The following NDC1 variants were observed in gnomAD, a reference collection of about 807,000 sequenced individuals.
The protein encoded by NDC1 is NDC1 transmembrane nucleoporin.
NDC1 carries 24 observed loss-of-function variants against 89.8 expected under a neutral mutation model. The observed-to-expected ratio is 0.27, with a 90% CI of 0.19 to 0.38. The LOEUF is 0.38. Ranked by LOEUF, NDC1 falls within the 10% of genes least tolerant of loss-of-function variation. NDC1 has a pLI of 1.00. For synonymous variants in NDC1, 296 were observed against 284.8 expected (o/e 1.04, Z -0.39); for missense variants, 728 against 797.6 (o/e 0.91, Z 1.05).
At chr1:53,792,748 G>A (rs957458179) in intron 14 of NDC1, among the ~76,000 whole-genome samples, 1 of 152,310 alleles carries the variant, frequency 6.6e-6, no homozygotes, top group South Asian at 2.1e-4. Flanking sequence ...ACTCTCCTGT[G>A]GCAGCTGGAA....
At chr1:53,827,455 T>A (rs79913066) in intron 4 of NDC1, among the ~76,000 whole-genome samples, 4,402 of 152,264 alleles carry the variant, frequency 0.029, 98 homozygotes, top group Middle Eastern at 0.044. Flanking sequence ...GTAATCTTTT[T>A]TAATTTTTAA....
At chr1:53,798,747 G>A (rs574757175) in intron 11 of NDC1, among the ~76,000 whole-genome samples, 8 of 151,830 alleles carry the variant, frequency 5.3e-5, no homozygotes, top group South Asian at 2.1e-4. Context: ...TAAAGACGGC[G>A]TTTCGCCATA....
rs768492561 is a variant in NDC1 at position 53,793,253 on chromosome 1, C to T, written c.1611G>A (p.Val537=). 1.8e-4 allele frequency: 297 copies of T among 1,611,830 alleles called. No homozygotes were observed. The highest frequency in any genetic ancestry group is 2.4e-4 in the Non-Finnish European group (284 of 1,178,090). ...EQIKNFLSKR[V]LIMYFFSKHP... ...CCTTACTGAAAAAATACATTATCAGCACCCGTTTTGACAAGAAATTCTTAA... is the reference window on the plus strand; with the variant it reads ...CCTTACTGAAAAAATACATTATCAGTACCCGTTTTGACAAGAAATTCTTAA... Residue 537 remains valine, a synonymous_variant, in exon 14 of 18, where the codon GTG becomes GTA. Coordinates refer to ENST00000371429, the MANE Select transcript of NDC1 (RefSeq NM_018087.5).
rs543415668 is a variant in NDC1 at position 53,824,678 on chromosome 1, G to C, written c.594+1120C>G. ...CCTTTCCCTCTCCTGCCAGAGGAGT[G>C]CTTCTCAGTTCCAGGAATGACTCCT... On this transcript the variant is annotated intron_variant, in intron 5 of 17. Coordinates refer to ENST00000371429, the MANE Select transcript of NDC1 (RefSeq NM_018087.5). 2.0e-4 allele frequency among the ~76,000 whole-genome samples: 31 copies of C among 152,310 alleles called. No homozygotes were observed. In the South Asian group the frequency reaches 5.6e-3, roughly 27 times the overall value.
intron 13 of NDC1, among the ~76,000 whole-genome samples, chr1:53,795,023 A>AT (rs1463755691): frequency 5.3e-5 from 8 of 151,948 alleles, no homozygotes; most frequent in Non-Finnish European, 1.2e-4. Flanking sequence ...GAACTCATGC[A>AT]TTTTTTTGTC....
At chr1:53,829,943 G>T (rs959915934) in intron 3 of NDC1, among the ~76,000 whole-genome samples, 3 of 152,148 alleles carry the variant, frequency 2.0e-5, no homozygotes, top group African/African-American at 7.2e-5. Flanking sequence ...ATGAGTTCAG[G>T]AGTTTGAGAC....
chr1:53,826,561 C>A (rs1648871105), intron 4 of NDC1, among the ~76,000 whole-genome samples: 1 of 152,184 alleles, frequency 6.6e-6, no homozygotes, highest in African/African-American at 2.4e-5. Context: ...CTAAGAGGAT[C>A]CCCCTGCTGG....
intron 6 of NDC1, among the ~76,000 whole-genome samples, chr1:53,811,979 G>T (rs774964691): frequency 6.6e-6 from 1 of 152,156 alleles, no homozygotes; most frequent in African/African-American, 2.4e-5. Flanking sequence ...AGGCAGACTC[G>T]CTGGGTGGCT....
At position 53,796,905 on chromosome 1, in the gene NDC1, C is replaced by A; in HGVS notation, c.1462G>T (p.Ala488Ser). The change falls in exon 12 of 18, where the codon GCT (alanine) becomes TCT (serine). Residue 488 changes from alanine to serine, a missense_variant. Ala to Ser is a moderately conservative substitution (Grantham distance 99). Coordinates refer to ENST00000371429, the MANE Select transcript of NDC1 (RefSeq NM_018087.5). ...AAAAATATATAATTCTCACCAGAAG[C>A]TGATGTCCACAATCTTGGCCCCCTT... is the stretch of plus-strand genomic sequence containing the variant. Reference protein sequence around the residue: ...IRRGPRLWTSASDQQMTEFSN... With the variant: ...IRRGPRLWTSSSDQQMTEFSN... 1 of 1,613,802 alleles carries A rather than the reference C, an allele frequency of 6.2e-7. No individual in the cohort carries two copies. The highest frequency in any genetic ancestry group is 8.5e-7 in the Non-Finnish European group (1 of 1,179,934).
intron 5 of NDC1, among the ~76,000 whole-genome samples, chr1:53,820,701 CTTT>C (rs927514677): frequency 4.3e-3 from 325 of 74,868 alleles, no homozygotes; most frequent in African/African-American, 0.017. Flanking sequence ...ACTTCTCTCT[CTTT>C]TTTTTTTTTT....
chr1:53,806,249 A>T (rs554355454), intron 9 of NDC1, among the ~76,000 whole-genome samples, 176 bp downstream of exon 9: 1 of 152,340 alleles, frequency 6.6e-6, no homozygotes, highest in South Asian at 2.1e-4. Flanking sequence ...CATTTTAGTC[A>T]CTTGGAAAGA....
chr1:53,792,143 C>T (rs567198692), intron 14 of NDC1, among the ~76,000 whole-genome samples: 15 of 152,136 alleles, frequency 9.9e-5, no homozygotes, highest in South Asian at 6.2e-4. Flanking sequence ...AGGGTTTCAC[C>T]GTGTTAGCCA....
intron 14 of NDC1, among the ~76,000 whole-genome samples, chr1:53,790,717 AT>A (rs1293580749): frequency 6.6e-6 from 1 of 152,132 alleles, no homozygotes; most frequent in Non-Finnish European, 1.5e-5. Context: ...AAATAAATAA[AT>A]AAACAACAAC....
In NDC1 at chr1:53,772,460, A is replaced by T; in HGVS notation, c.1830T>A (p.His610Gln). The change falls in exon 17 of 18, where the codon CAT becomes CAA. Residue 610 changes from histidine (H) to glutamine (Q), a missense_variant. Transcript: ENST00000371429. ...EAVDKYFKLP[H>Q]ASSKPPRISG... Reference sequence around the variant, plus strand: ...AAATCCGGGGTGGTTTACTGGAAGCATGAGGAAGCTTAAAGTACTTGTCGA... The same window carrying T: ...AAATCCGGGGTGGTTTACTGGAAGCTTGAGGAAGCTTAAAGTACTTGTCGA... 6.2e-7 allele frequency: 1 copy of T among 1,613,508 alleles called. No homozygotes were observed. The highest frequency in any genetic ancestry group is 8.5e-7 in the Non-Finnish European group (1 of 1,179,578).
rs187459137 is a variant in NDC1 at position 53,787,193 on chromosome 1, G to A, written c.1765C>T (p.Pro589Ser). Residue 589 changes from proline to serine, a missense_variant, in exon 16 of 18, where the codon CCA becomes TCA. Coordinates refer to ENST00000371429, the MANE Select transcript of NDC1 (RefSeq NM_018087.5). ...DRFGVVQTTLPAILNTLLTLQ... is the reference protein window; with the variant it reads ...DRFGVVQTTLSAILNTLLTLQ... ...GTCAACAAAGTATTAAGGATAGCTGGTAGTGTCGTCTGGACAACTCCAAAT... is the reference window on the plus strand; with the variant it reads ...GTCAACAAAGTATTAAGGATAGCTGATAGTGTCGTCTGGACAACTCCAAAT... 647 of 1,610,240 alleles carry A rather than the reference G, an allele frequency of 4.0e-4. 4 individuals are homozygous for A. In the Admixed American group the frequency reaches 7.8e-3, roughly 19 times the overall value.
intron 11 of NDC1, among the ~76,000 whole-genome samples, chr1:53,797,365 GTC>G (rs773651478): frequency 2.8e-4 from 40 of 141,834 alleles, no homozygotes; most frequent in Non-Finnish European, 4.1e-4. Flanking sequence ...GATCGATATA[GTC>G]TCTCTTTTTC....
chr1:53,835,477 T>C, intron 2 of NDC1, 23 bp downstream of exon 2: 2 of 1,586,910 alleles, frequency 1.3e-6, no homozygotes, highest in Non-Finnish European at 1.7e-6. Context: ...TATAACTTTC[T>C]CCCCAAGTTG....
rs201427275 is a variant in NDC1 at position 53,796,830 on chromosome 1, A to G, written c.1469-26T>C. ...CTATTTTTAAAAAAGAAAAGGCAAG[A>G]TAAGAACTTAGGCTGTCTGATCCTC... On this transcript the variant is annotated intron_variant, in intron 12 of 17. Coordinates refer to ENST00000371429, the MANE Select transcript of NDC1 (RefSeq NM_018087.5). The G allele has an allele frequency of 7.5e-6, 12 of 1,604,648 alleles. No individual in the cohort carries two copies. In the Admixed American group the frequency reaches 1.4e-4, roughly 19 times the overall value.
At chr1:53,794,252 A>G (rs760200414) in intron 13 of NDC1, among the ~76,000 whole-genome samples, 5 of 152,226 alleles carry the variant, frequency 3.3e-5, no homozygotes, top group Non-Finnish European at 5.9e-5. Flanking sequence ...CTGAGATTAC[A>G]GGAAAAAAAA....
Sources: allele counts gnomAD v4.1 joint callset (sites outside exome capture counted in the v4.1 genomes callset), GRCh38; gene constraint gnomAD v4.1.1; transcripts MANE v1.5; gene names NCBI Gene and HGNC (gene_info 2026-07-23, HGNC 2026-07-21).